The following ZNF708 variants were observed in gnomAD, a reference collection of about 807,000 sequenced individuals.
ZNF708 encodes zinc finger protein 708, also known as ZNF15, ZNF15L1.
In ZNF708, 44 loss-of-function variants were observed where a neutral mutation model predicts 47.0. The observed-to-expected ratio is 0.94, with a 90% CI of 0.74 to 1.20. ZNF708 has a LOEUF of 1.20. Ranked by LOEUF, ZNF708 falls within the 50% of genes most tolerant of loss-of-function variation. ZNF708 has a pLI of 0.00. For synonymous variants in ZNF708, 184 were observed against 218.5 expected (o/e 0.84, Z 1.39); for missense variants, 557 against 656.0 (o/e 0.85, Z 1.65).
rs185552190 is a variant in ZNF708, at chr19:21,302,789, A to G, written c.226+6457T>C. 2.7e-3 allele frequency among the ~76,000 whole-genome samples: 414 copies of G among 152,230 alleles called. 4 individuals are homozygous for G. The highest frequency in any genetic ancestry group is 9.5e-3 in the African/African-American group (396 of 41,572). On this transcript the variant is annotated intron_variant, in intron 3 of 3. Transcript: ENST00000356929. ...ACAATTACAAAGATAATATTTATCGAAAGTATAAATAAGGAAATGGAAAAA... is the reference window on the plus strand; with the variant it reads ...ACAATTACAAAGATAATATTTATCGGAAGTATAAATAAGGAAATGGAAAAA...
At chr19:21,298,558 T>A (rs1196812194) in intron 3 of ZNF708, among the ~76,000 whole-genome samples, 1 of 152,102 alleles carries the variant, frequency 6.6e-6, no homozygotes, top group Non-Finnish European at 1.5e-5. Context: ...CCCAAAAGTA[T>A]ATGGAATCTC....
chr19:21,309,164 C>A, intron 3 of ZNF708, 82 bp downstream of exon 3: 2 of 1,310,964 alleles, frequency 1.5e-6, no homozygotes, highest in Non-Finnish European at 1.0e-6. Flanking sequence ...CACAGATTTC[C>A]AAGTCAAATT....
At chr19:21,308,701 G>GC (rs758777744) in intron 3 of ZNF708, among the ~76,000 whole-genome samples, 17 of 151,970 alleles carry the variant, frequency 1.1e-4, no homozygotes, top group South Asian at 4.2e-4. Flanking sequence ...GTGAGCCACT[G>GC]CCCCCCCAGC....
At chr19:21,307,580 T>C (rs964466760) in intron 3 of ZNF708, among the ~76,000 whole-genome samples, 3 of 151,858 alleles carry the variant, frequency 2.0e-5, no homozygotes, top group Admixed American at 6.6e-5. Context: ...CGAGATCACA[T>C]GACTGCACTA....
Position 21,292,899 on chromosome 19 carries a change from C to T in ZNF708, c.*375G>A, listed in dbSNP as rs1972424332. ...GTTTTTCTAGTAAGAATTATCTTAC[C>T]TACAATCAAGTGTGACAATCATTTA... On this transcript the variant is annotated 3_prime_UTR_variant, in exon 4 of 4. Coordinates refer to ENST00000356929, the MANE Select transcript of ZNF708 (RefSeq NM_021269.3). 2.7e-5 allele frequency: 5 copies of T among 182,280 alleles called. No homozygotes were observed. The highest frequency in any genetic ancestry group is 3.0e-4 in the East Asian group (2 of 6,594). 11.3% of individuals were successfully genotyped at this position (182,280 alleles called of 1,614,324 possible). A position where few individuals can be genotyped will look rare whatever the true frequency, so the allele number is the denominator to read the frequency against.
intron 3 of ZNF708, among the ~76,000 whole-genome samples, chr19:21,306,039 TAA>T (rs894249810): frequency 6.6e-6 from 1 of 152,154 alleles, no homozygotes; most frequent in African/African-American, 2.4e-5. Flanking sequence ...ACTGATGAAA[TAA>T]AGTTGGATCA....
intron 3 of ZNF708, 142 bp downstream of exon 3, chr19:21,309,104 C>T (rs1006660289): frequency 2.2e-5 from 15 of 679,980 alleles, no homozygotes; most frequent in Non-Finnish European, 3.5e-5. Context: ...ACAGAAGACG[C>T]CCCTATATTA....
At chr19:21,305,597 T>C (rs1203988042) in intron 3 of ZNF708, among the ~76,000 whole-genome samples, 1 of 151,868 alleles carries the variant, frequency 6.6e-6, no homozygotes, top group East Asian at 1.9e-4. Context: ...TAGCTGGGAA[T>C]ACAGGCACCC....
At chr19:21,313,744 C>T (rs534883046) in intron 1 of ZNF708, among the ~76,000 whole-genome samples, 68 of 117,876 alleles carry the variant, frequency 5.8e-4, no homozygotes, top group Middle Eastern at 5.0e-3. Context: ...GGCAACAGTG[C>T]GAGACTATGT....
At position 21,329,367 on chromosome 19, in the gene ZNF708, C is replaced by A. The variant is rs935221828; in HGVS notation, c.-155G>T. ...CTGCAGCAAGAGACAAAGGCCGCGC[C>A]AAACCCGGAAGCCGCCCTGTCCGGT... On this transcript the variant is annotated 5_prime_UTR_variant, in exon 1 of 4. Coordinates refer to ENST00000356929, the MANE Select transcript of ZNF708 (RefSeq NM_021269.3). 4.5e-5 allele frequency: 56 copies of A among 1,234,432 alleles called. No individual in the cohort carries two copies. Among genetic ancestry groups the A allele is most frequent in the Non-Finnish European group, 3.2e-5 (28 of 867,952 alleles). The allele number at this position is 1,234,432 out of a possible 1,614,324, so 76.5% of individuals were successfully genotyped here. A position where few individuals can be genotyped will look rare whatever the true frequency, so the allele number is the denominator to read the frequency against.
rs1270166016 is a variant in ZNF708 at position 21,294,502 on chromosome 19, G to A, written c.464C>T (p.Ala155Val). ...YVKVFHKYSN[A>V]KRHKIRHTGK... The stretch of plus-strand genomic sequence containing the variant: ...AGTATGTCTTATCTTATGTCTCTTT[G>A]CATTTGAATATTTATGAAAGACTTT... The change falls in exon 4 of 4, where the codon GCA (alanine) becomes GTA (valine). Residue 155 changes from alanine (A) to valine (V), a missense_variant. Physicochemically the swap from Ala to Val is moderately conservative, Grantham distance 64. Coordinates refer to ENST00000356929, the MANE Select transcript of ZNF708 (RefSeq NM_021269.3). The A allele has an allele frequency of 6.2e-7, 1 of 1,613,962 alleles. No individual in the cohort carries two copies. Among genetic ancestry groups the A allele is most frequent in the South Asian group, 1.1e-5 (1 of 91,076 alleles).
At chr19:21,301,352 T>C (rs1446035357) in intron 3 of ZNF708, among the ~76,000 whole-genome samples, 1 of 151,704 alleles carries the variant, frequency 6.6e-6, no homozygotes, top group Non-Finnish European at 1.5e-5. Context: ...CGGTGGCTCA[T>C]GCCTGTAATC....
intron 3 of ZNF708, among the ~76,000 whole-genome samples, chr19:21,303,763 A>G (rs1038525716): frequency 6.6e-6 from 1 of 151,928 alleles, no homozygotes; most frequent in Non-Finnish European, 1.5e-5. Context: ...AGGTAGTTAT[A>G]ATTATATTAG....
intron 3 of ZNF708, chr19:21,307,011 A>AACAT (rs1972783180): frequency 6.8e-6 from 1 of 146,986 alleles, no homozygotes; most frequent in South Asian, 2.1e-4. Flanking sequence ...AACATAACAT[A>AACAT]AAACATAACA....
chr19:21,310,600 T>C lies in ZNF708; in HGVS notation c.31A>G (p.Ile11Val), dbSNP rs1972878778. Residue 11 changes from isoleucine (I) to valine (V), a missense_variant, in exon 2 of 4, where the codon ATA becomes GTA. Coordinates refer to ENST00000356929, the MANE Select transcript of ZNF708 (RefSeq NM_021269.3). ...TGCCACTCCTCCAGAGAGAATTCTA[T>C]GGCCACATCCATAAATGTCAATGGT... MGPLTFMDVA[I>V]EFSLEEWQCL... 1.9e-6 allele frequency: 3 copies of C among 1,546,756 alleles called. No homozygotes were observed. Among genetic ancestry groups the C allele is most frequent in the Non-Finnish European group, 2.6e-6 (3 of 1,145,988 alleles).
At chr19:21,317,023 G>T (rs1187032503) in intron 1 of ZNF708, among the ~76,000 whole-genome samples, 2 of 151,814 alleles carry the variant, frequency 1.3e-5, no homozygotes, top group African/African-American at 4.8e-5. Flanking sequence ...CTAACCTCAG[G>T]TGATCTGCCT....
intron 3 of ZNF708, among the ~76,000 whole-genome samples, chr19:21,300,868 G>A (rs919237418): frequency 1.3e-5 from 2 of 151,756 alleles, no homozygotes; most frequent in African/African-American, 2.4e-5. Flanking sequence ...CACTGTGTTA[G>A]CCAGGATGGT....
Position 21,294,241 on chromosome 19 carries a change from T to C in ZNF708, c.725A>G (p.His242Arg), listed in dbSNP as rs371949339. The C allele has an allele frequency of 3.1e-6, 5 of 1,612,838 alleles. No homozygotes were observed. The highest frequency in any genetic ancestry group is 4.2e-6 in the Non-Finnish European group (5 of 1,179,950). ...AFNQSSTLTR[H>R]KIIHTGEKLY... is the part of the protein sequence containing the mutation. ...TTTCTCTCCAGTATGAATTATCTTA[T>C]GTCTAGTAAGAGTTGAGGACTGGTT... is the stretch of plus-strand genomic sequence containing the variant. Residue 242 changes from histidine (H) to arginine (R), a missense_variant, in exon 4 of 4, where the codon CAT becomes CGT. Physicochemically the swap from His to Arg is conservative, Grantham distance 29 (BLOSUM62 0). Coordinates refer to ENST00000356929, the MANE Select transcript of ZNF708 (RefSeq NM_021269.3).
intron 1 of ZNF708, among the ~76,000 whole-genome samples, chr19:21,313,250 T>C (rs1226989603): frequency 6.7e-6 from 1 of 148,456 alleles, no homozygotes; most frequent in Non-Finnish European, 1.5e-5. Flanking sequence ...ATTGTGTCAC[T>C]GCACTCTGGC....
Sources: gnomAD v4.1 joint callset for allele counts (sites outside exome capture counted in the v4.1 genomes callset) on GRCh38, gnomAD v4.1.1 for gene constraint, MANE v1.5 for transcripts, NCBI Gene and HGNC (gene_info 2026-07-23, HGNC 2026-07-21) for gene names.